Variants in TMEM139 observed in about 807,000 individuals in gnomAD.
The protein encoded by TMEM139 is transmembrane protein 139.
In TMEM139, 9 loss-of-function variants were observed where a neutral mutation model predicts 15.9. The observed-to-expected ratio is 0.57, with a 90% CI of 0.34 to 0.99. The LOEUF is 0.99. Ranked by LOEUF, TMEM139 falls within the 50% of genes least tolerant of loss-of-function variation. The probability of loss-of-function intolerance (pLI) is 0.02; values close to 1 mark genes in which losing one functional copy is unlikely to be tolerated. For synonymous variants in TMEM139, 95 were observed against 110.5 expected (o/e 0.86, Z 0.88); for missense variants, 270 against 267.7 (o/e 1.01, Z -0.06).
At position 143,286,865 on chromosome 7, in the gene TMEM139, GA is replaced by G. The variant is rs768986634; in HGVS notation, c.*37del. ...CAAGATTTCTCTTCTCTCCACACCA[GA>G]CCTCGTTCATTTGACTAACATTTTC... On this transcript the variant is annotated 3_prime_UTR_variant, in exon 3 of 3. Coordinates refer to ENST00000359333, the MANE Select transcript of TMEM139 (RefSeq NM_001282876.2). 1 of 1,526,636 alleles carries G rather than the reference GA, an allele frequency of 6.6e-7. No individual in the cohort carries two copies. The highest frequency in any genetic ancestry group is 2.3e-5 in the East Asian group (1 of 43,842). The allele number at this position is 1,526,636 out of a possible 1,614,324, so 94.6% of individuals were successfully genotyped here.
rs201846979 is a variant in TMEM139 at position 143,286,359 on chromosome 7, CA to C, written c.246-57del. 7,016 of 1,518,750 alleles carry C rather than the reference CA, an allele frequency of 4.6e-3. 29 individuals carry two copies. Among genetic ancestry groups the C allele is most frequent in the South Asian group, 5.6e-3 (417 of 74,766 alleles). The allele number at this position is 1,518,750 out of a possible 1,614,324, so 94.1% of individuals were successfully genotyped here. On this transcript the variant is annotated intron_variant, in intron 2 of 2. Coordinates refer to ENST00000359333, the MANE Select transcript of TMEM139 (RefSeq NM_001282876.2). The stretch of plus-strand genomic sequence containing the variant: ...CAGAGGATCTTTTGCCCACAGCAGA[CA>C]AAAAAAAGGGAAAAAGGGCTTCTTT...
Position 143,286,855 on chromosome 7 carries a change from C to G in TMEM139, c.*26C>G, listed in dbSNP as rs990870471. On this transcript the variant is annotated 3_prime_UTR_variant, in exon 3 of 3. Transcript: ENST00000359333. ...ATGACTCTCCCAAGATTTCTCTTCT[C>G]TCCACACCAGACCTCGTTCATTTGA... 25 of 1,551,570 alleles carry G rather than the reference C, an allele frequency of 1.6e-5. No individual in the cohort carries two copies. In the Admixed American group the frequency reaches 2.1e-4, roughly 13 times the overall value.
In TMEM139 at chr7:143,285,926, T is replaced by A. The variant is rs1003469824; in HGVS notation, c.-17-15T>A. 1 of 1,613,890 alleles carries A rather than the reference T, an allele frequency of 6.2e-7. No homozygotes were observed. The highest frequency in any genetic ancestry group is 8.5e-7 in the Non-Finnish European group (1 of 1,179,872). On this transcript the variant is annotated splice_polypyrimidine_tract_variant and intron_variant, in intron 1 of 2. Transcript: ENST00000359333. Reference sequence around the variant, plus strand: ...ATTGCTAGTGTAGACACAATAGCTGTGTGTCTTTTTGCAGGAGCCTGGGGA... The same window carrying A: ...ATTGCTAGTGTAGACACAATAGCTGAGTGTCTTTTTGCAGGAGCCTGGGGA...
intron 1 of TMEM139, 74 bp from the exon 2 acceptor site, chr7:143,285,867 G>A: frequency 6.4e-7 from 1 of 1,563,472 alleles, no homozygotes; most frequent in Admixed American, 1.8e-5. Context: ...AATATCATAT[G>A]GTTACTTTGG....
Position 143,286,782 on chromosome 7 carries a change from C to G in TMEM139, c.604C>G (p.Pro202Ala), listed in dbSNP as rs1450693177. Reference protein sequence around the residue: ...PPAYDVCFGHPDDDSVFYEDN... With the variant: ...PPAYDVCFGHADDDSVFYEDN... Reference sequence around the variant, plus strand: ...TGCCTATGATGTCTGCTTTGGTCACCCTGATGATGATAGTGTTTTTTATGA... The same window carrying G: ...TGCCTATGATGTCTGCTTTGGTCACGCTGATGATGATAGTGTTTTTTATGA... Residue 202 changes from proline (P) to alanine (A), a missense_variant, in exon 3 of 3, where the codon CCT becomes GCT. Transcript: ENST00000359333. 6.8e-6 allele frequency: 11 copies of G among 1,613,326 alleles called. No homozygotes were observed. In the South Asian group the frequency reaches 1.1e-4, roughly 16 times the overall value.
chr7:143,285,796 A>C, intron 1 of TMEM139, 145 bp from the exon 2 acceptor site: 1 of 1,115,996 alleles, frequency 9.0e-7, no homozygotes, highest in Non-Finnish European at 1.3e-6. Flanking sequence ...GAATTTCGGA[A>C]CTGGAGGGGA....
Position 143,286,032 on chromosome 7 carries a change from G to A in TMEM139, c.75G>A (p.Gly25=), listed in dbSNP as rs375464913. 6 of 1,614,134 alleles carry A rather than the reference G, an allele frequency of 3.7e-6. No homozygotes were observed. The highest frequency in any genetic ancestry group is 5.1e-6 in the Non-Finnish European group (6 of 1,180,024). ...TGTGCTGCGCCTCCTTCCTACTGGGGCTGGCTTTGCTGGGCATAAAGACGG... is the reference window on the plus strand; with the variant it reads ...TGTGCTGCGCCTCCTTCCTACTGGGACTGGCTTTGCTGGGCATAAAGACGG... ...LLLCCASFLL[G]LALLGIKTDI... is the part of the protein sequence containing the mutation. The change falls in exon 2 of 3, where the codon GGG becomes GGA. Residue 25 remains glycine (G), a synonymous_variant. Transcript: ENST00000359333.
At position 143,286,841 on chromosome 7, in the gene TMEM139, A is replaced by C. The variant is rs759485378; in HGVS notation, c.*12A>C. Reference sequence around the variant, plus strand: ...GGGCACCCCCTTAAATGACTCTCCCAAGATTTCTCTTCTCTCCACACCAGA... The same window carrying C: ...GGGCACCCCCTTAAATGACTCTCCCCAGATTTCTCTTCTCTCCACACCAGA... On this transcript the variant is annotated 3_prime_UTR_variant, in exon 3 of 3. Coordinates refer to ENST00000359333, the MANE Select transcript of TMEM139 (RefSeq NM_001282876.2). The C allele has an allele frequency of 2.4e-5, 38 of 1,566,756 alleles. No individual in the cohort carries two copies. Among genetic ancestry groups the C allele is most frequent in the Non-Finnish European group, 3.3e-5 (38 of 1,152,390 alleles).
At chr7:143,285,726 TGGG>T in intron 1 of TMEM139, 1 of 582,260 alleles carries the variant, frequency 1.7e-6, no homozygotes, top group Non-Finnish European at 3.0e-6. Flanking sequence ...ACAGAATGGC[TGGG>T]AGTCAAAGCT....
chr7:143,287,063 C>T lies in TMEM139; in HGVS notation c.*234C>T, dbSNP rs1801360910. On this transcript the variant is annotated 3_prime_UTR_variant, in exon 3 of 3. Coordinates refer to ENST00000359333, the MANE Select transcript of TMEM139 (RefSeq NM_001282876.2). Reference sequence around the variant, plus strand: ...CCTACCCCATATCCAATATTTCCAGCGTTAGATTGAGGATGAGGTAGGGAG... The same window carrying T: ...CCTACCCCATATCCAATATTTCCAGTGTTAGATTGAGGATGAGGTAGGGAG... The T allele has an allele frequency of 2.1e-6, 1 of 466,552 alleles. No homozygotes were observed. The highest frequency in any genetic ancestry group is 2.0e-5 in the African/African-American group (1 of 50,626). The allele number at this position is 466,552 out of a possible 1,614,324, so 28.9% of individuals were successfully genotyped here.
In TMEM139 at chr7:143,285,612, G is replaced by T. The variant is rs1330711457; in HGVS notation, c.-18+167G>T. 2.2e-5 allele frequency: 7 copies of T among 313,002 alleles called. No individual in the cohort carries two copies. In the Admixed American group the frequency reaches 3.0e-4, roughly 14 times the overall value. The allele number at this position is 313,002 out of a possible 1,614,324, so 19.4% of individuals were successfully genotyped here. A position where few individuals can be genotyped will look rare whatever the true frequency, so the allele number is the denominator to read the frequency against. The stretch of plus-strand genomic sequence containing the variant: ...AGTGTGCACTGAAGCCCCAGGCAGG[G>T]CGTGCCCAGGACCGGATCCTGGATG... On this transcript the variant is annotated intron_variant, in intron 1 of 2. Coordinates refer to ENST00000359333, the MANE Select transcript of TMEM139 (RefSeq NM_001282876.2).
chr7:143,285,875 T>G (rs1450285216), intron 1 of TMEM139, 66 bp from the exon 2 acceptor site: 1 of 1,582,916 alleles, frequency 6.3e-7, no homozygotes, highest in Non-Finnish European at 8.6e-7. Context: ...ATGGTTACTT[T>G]GGTATCTGAC....
At chr7:143,286,367 A>G in intron 2 of TMEM139, 57 bp from the exon 3 acceptor site, 1 of 1,521,966 alleles carries the variant, frequency 6.6e-7, no homozygotes, top group Non-Finnish European at 8.8e-7. Context: ...GACAAAAAAA[A>G]GGGAAAAAGG....
chr7:143,286,553 G>A lies in TMEM139; in HGVS notation c.375G>A (p.Glu125=). The A allele has an allele frequency of 6.2e-7, 1 of 1,613,840 alleles. No individual in the cohort carries two copies. Among genetic ancestry groups the A allele is most frequent in the Non-Finnish European group, 8.5e-7 (1 of 1,179,948 alleles). ...TTGTGATACCCCCAGCACCTGAGGAGGAACAACCTAGCCATCCAGAGGGGT... is the reference window on the plus strand; with the variant it reads ...TTGTGATACCCCCAGCACCTGAGGAAGAACAACCTAGCCATCCAGAGGGGT... ...STVVIPPAPE[E]EQPSHPEGSR... Residue 125 remains glutamate (E), a synonymous_variant, in exon 3 of 3, where the codon GAG becomes GAA. Transcript: ENST00000359333.
intron 2 of TMEM139, 51 bp from the exon 3 acceptor site, chr7:143,286,373 A>G (rs367708979): frequency 2.0e-6 from 3 of 1,522,846 alleles, no homozygotes; most frequent in African/African-American, 2.8e-5. Flanking sequence ...AAAAAGGGAA[A>G]AAGGGCTTCT....
rs1801342786 is a variant in TMEM139, at chr7:143,286,783, C to G, written c.605C>G (p.Pro202Arg). The G allele has an allele frequency of 1.9e-6, 3 of 1,613,482 alleles. No individual in the cohort carries two copies. Among genetic ancestry groups the G allele is most frequent in the Non-Finnish European group, 2.5e-6 (3 of 1,179,532 alleles). The change falls in exon 3 of 3, where the codon CCT (proline) becomes CGT (arginine). Residue 202 changes from proline (P) to arginine (R), a missense_variant. Pro to Arg is a moderately radical substitution (Grantham distance 103). Transcript: ENST00000359333. ...GCCTATGATGTCTGCTTTGGTCACC[C>G]TGATGATGATAGTGTTTTTTATGAG... is the stretch of plus-strand genomic sequence containing the variant. ...PPAYDVCFGH[P>R]DDDSVFYEDN...
In TMEM139 at chr7:143,286,833, A is replaced by T. The variant is rs774203695; in HGVS notation, c.*4A>T. 3 of 1,568,836 alleles carry T rather than the reference A, an allele frequency of 1.9e-6. No homozygotes were observed. The highest frequency in any genetic ancestry group is 1.2e-5 in the South Asian group (1 of 85,582). ...GGACAACTGGGCACCCCCTTAAATG[A>T]CTCTCCCAAGATTTCTCTTCTCTCC... On this transcript the variant is annotated 3_prime_UTR_variant, in exon 3 of 3. Transcript: ENST00000359333.
At position 143,286,484 on chromosome 7, in the gene TMEM139, G is replaced by C; in HGVS notation, c.306G>C (p.Gln102His). ...YEEAVVGLES[Q>H]CRPQELDQPP... The stretch of plus-strand genomic sequence containing the variant: ...AGGCCGTGGTGGGACTAGAATCCCA[G>C]TGCCGCCCCCAAGAGTTGGACCAAC... Residue 102 changes from glutamine to histidine, a missense_variant, in exon 3 of 3, where the codon CAG becomes CAC. Gln to His is a conservative substitution (Grantham distance 24, BLOSUM62 0). Transcript: ENST00000359333. 6.4e-7 allele frequency: 1 copy of C among 1,569,284 alleles called. No homozygotes were observed. The highest frequency in any genetic ancestry group is 1.2e-5 in the South Asian group (1 of 83,166).
At chr7:143,286,360 A>C in intron 2 of TMEM139, 64 bp from the exon 3 acceptor site, 9 of 1,500,968 alleles carry the variant, frequency 6.0e-6, no homozygotes, top group Non-Finnish European at 7.1e-6. Flanking sequence ...CACAGCAGAC[A>C]AAAAAAAGGG....
Sources: gnomAD v4.1 joint callset for allele counts on GRCh38, gnomAD v4.1.1 for gene constraint, MANE v1.5 for transcripts, NCBI Gene and HGNC (gene_info 2026-07-23, HGNC 2026-07-21) for gene names.